The following RIC1 variants were observed in gnomAD, a reference collection of about 807,000 sequenced individuals.
RIC1 encodes guanine nucleotide exchange factor subunit RIC1.
A neutral mutation model predicts 169.0 loss-of-function variants in RIC1; 88 were observed. The ratio of observed to expected loss-of-function variants is 0.52; its 90% confidence interval spans 0.44 to 0.62. RIC1 has a LOEUF of 0.62. RIC1 is among the 20% of genes least tolerant of loss of function. The pLI is 0.00. For synonymous variants in RIC1, 790 were observed against 601.5 expected (o/e 1.31, Z -4.59); for missense variants, 1,877 against 1,725.5 (o/e 1.09, Z -1.56).
intron 2 of RIC1, among the ~76,000 whole-genome samples, chr9:5,679,455 A>G (rs1271295247): frequency 6.6e-6 from 1 of 152,204 alleles, no homozygotes; most frequent in Non-Finnish European, 1.5e-5. Context: ...CACGATATTG[A>G]TTCTTCCTAT....
At chr9:5,675,298 G>A (rs1820375617) in intron 2 of RIC1, among the ~76,000 whole-genome samples, 1 of 152,146 alleles carries the variant, frequency 6.6e-6, no homozygotes, top group African/African-American at 2.4e-5. Flanking sequence ...AACGAGTCAG[G>A]GTGGAGTAGG....
At position 5,634,343 on chromosome 9, in the gene RIC1, AATAGTGT is replaced by A. The variant is rs1358526803; in HGVS notation, c.144+4892_144+4898del. Among the ~76,000 whole-genome samples the A allele has an allele frequency of 5.9e-5, 9 of 152,312 alleles. No homozygotes were observed. In the East Asian group the frequency reaches 9.6e-4, roughly 16 times the overall value. On this transcript the variant is annotated intron_variant, in intron 1 of 25. Transcript: ENST00000414202. ...GACTGTACCATTTTGCAGTCCCGTC[AATAGTGT>A]ACAGGGAGGGGATCCCTTTTCTCCA...
chr9:5,690,028 G>T lies in RIC1; in HGVS notation c.322G>T (p.Val108Leu), dbSNP rs770845191. Residue 108 changes from valine to leucine, a missense_variant, in exon 3 of 26, where the codon GTG becomes TTG. This residue lies in a region of RIC1 where 1,104 missense variants were observed against 992.0 expected (regional missense o/e 1.11). Transcript: ENST00000414202. The stretch of plus-strand genomic sequence containing the variant: ...AGGGGACAAGTACCTTTATGAACCA[G>T]TGTATCCCAAGTAAGTTTGTTGCCT... The part of the protein sequence containing the change: ...TRGDKYLYEP[V>L]YPKGSPQMKG... 1.3e-6 allele frequency: 2 copies of T among 1,589,620 alleles called. No homozygotes were observed. Among genetic ancestry groups the T allele is most frequent in the South Asian group, 1.2e-5 (1 of 86,502 alleles).
chr9:5,729,013 C>G (rs527678202), intron 6 of RIC1, among the ~76,000 whole-genome samples: 5 of 152,222 alleles, frequency 3.3e-5, no homozygotes, highest in African/African-American at 1.2e-4. Context: ...TCCCTCTGTC[C>G]CTCCCTTCTG....
intron 1 of RIC1, among the ~76,000 whole-genome samples, chr9:5,648,850 ATGTTT>A (rs530792481): frequency 2.0e-5 from 3 of 152,148 alleles, no homozygotes; most frequent in Admixed American, 6.5e-5. Flanking sequence ...TTTAATGGGA[ATGTTT>A]TGTTTTAACT....
intron 1 of RIC1, among the ~76,000 whole-genome samples, chr9:5,656,327 C>T (rs577146301): frequency 8.3e-4 from 126 of 152,244 alleles, no homozygotes; most frequent in Non-Finnish European, 7.8e-4. Context: ...CACCTATGAA[C>T]ACATTTAGTC....
chr9:5,710,297 A>G (rs1822856134), intron 3 of RIC1, among the ~76,000 whole-genome samples: 1 of 152,208 alleles, frequency 6.6e-6, no homozygotes. Context: ...CAGGAAATAT[A>G]CTGTCTGGTT....
chr9:5,651,456 T>C (rs1440692897), intron 1 of RIC1, among the ~76,000 whole-genome samples: 1 of 152,038 alleles, frequency 6.6e-6, no homozygotes, highest in Non-Finnish European at 1.5e-5. Context: ...TTTCAGGTCT[T>C]ATCCAAAAAA....
intron 2 of RIC1, among the ~76,000 whole-genome samples, chr9:5,686,633 G>C (rs868581035): frequency 8.4e-4 from 109 of 129,840 alleles, no homozygotes; most frequent in African/African-American, 2.6e-3. Context: ...GTGGTGGGGT[G>C]GGGGGAGGGG....
chr9:5,776,800 A>T (rs1827614140), downstream of RIC1, among the ~76,000 whole-genome samples: 2 of 152,162 alleles, frequency 1.3e-5, no homozygotes, highest in South Asian at 4.1e-4. Flanking sequence ...ATAATGAAGG[A>T]ATGACAGAAA....
intron 7 of RIC1, among the ~76,000 whole-genome samples, chr9:5,736,801 A>T (rs533566986): frequency 6.6e-6 from 1 of 152,180 alleles, no homozygotes; most frequent in African/African-American, 2.4e-5. Context: ...AAATTATCCA[A>T]AATGGAACAC....
chr9:5,747,581 C>T (rs1825457066), intron 12 of RIC1, 76 bp downstream of exon 12: 3 of 1,289,046 alleles, frequency 2.3e-6, no homozygotes, highest in South Asian at 1.3e-5. Context: ...TTAAATATTT[C>T]ATCTGTTAAC....
chr9:5,737,787 T>C (rs1824815523), intron 7 of RIC1, among the ~76,000 whole-genome samples: 1 of 150,752 alleles, frequency 6.6e-6, no homozygotes, highest in African/African-American at 2.4e-5. Flanking sequence ...ATACTTTTTA[T>C]TTTATATATA....
chr9:5,712,110 C>G (rs553202377), intron 3 of RIC1, among the ~76,000 whole-genome samples: 54 of 152,254 alleles, frequency 3.5e-4, no homozygotes, highest in African/African-American at 1.3e-3. Flanking sequence ...ATTGCTGGGT[C>G]AAATGGTATT....
intron 6 of RIC1, among the ~76,000 whole-genome samples, chr9:5,727,224 C>T (rs1824050995): frequency 6.6e-6 from 1 of 152,176 alleles, no homozygotes; most frequent in African/African-American, 2.4e-5. Context: ...TTCACACAGT[C>T]CCATTTTTCT....
At chr9:5,676,785 A>G (rs77000242) in intron 2 of RIC1, among the ~76,000 whole-genome samples, 2,763 of 152,312 alleles carry the variant, frequency 0.018, 80 homozygotes, top group African/African-American at 0.063. Context: ...CTGGTTTTAT[A>G]TAAATTAAGT....
rs541364293 is a variant in RIC1, at chr9:5,684,208, G to A, written c.253-5751G>A. On this transcript the variant is annotated intron_variant, in intron 2 of 25. Coordinates refer to ENST00000414202, the MANE Select transcript of RIC1 (RefSeq NM_020829.4). ...TCAGTTGTAAATGCAGAAATCACCC[G>A]TCTTCTGTGTTGCTCATGCTGGGAG... Among the ~76,000 whole-genome samples, 27 of 130,550 alleles carry A rather than the reference G, an allele frequency of 2.1e-4. 1 individual carries two copies. In the South Asian group the frequency reaches 4.1e-3, roughly 20 times the overall value. 85.6% of individuals were successfully genotyped at this position (130,550 alleles called of 152,430 possible). A position where few individuals can be genotyped will look rare whatever the true frequency, so the allele number is the denominator to read the frequency against.
At chr9:5,726,246 G>C (rs1223643131) in intron 6 of RIC1, among the ~76,000 whole-genome samples, 1 of 152,156 alleles carries the variant, frequency 6.6e-6, no homozygotes, top group African/African-American at 2.4e-5. Flanking sequence ...CCTGTATTGG[G>C]TGCATATATA....
chr9:5,629,854 T>C (rs1039547290), intron 1 of RIC1, among the ~76,000 whole-genome samples: 3 of 152,210 alleles, frequency 2.0e-5, no homozygotes, highest in Admixed American at 1.3e-4. Context: ...TCCCTTACTT[T>C]AAAGGTCGCC....
Sources: allele counts gnomAD v4.1 joint callset (sites outside exome capture counted in the v4.1 genomes callset), GRCh38; gene constraint gnomAD v4.1.1; regional missense constraint gnomAD v4.1.1; transcripts MANE v1.5; gene names NCBI Gene and HGNC (gene_info 2026-07-23, HGNC 2026-07-21).